GALNT13: variants seen among roughly 807,000 people sequenced by gnomAD.
The protein encoded by GALNT13 is UDP-GalNAc:polypeptide N-acetylgalactosaminyltransferase 13.
A neutral mutation model predicts 64.2 loss-of-function variants in GALNT13; 28 were observed. The ratio of observed to expected loss-of-function variants is 0.44; its 90% confidence interval spans 0.32 to 0.60. GALNT13 has a LOEUF of 0.60. Ranked by LOEUF, GALNT13 falls within the 20% of genes least tolerant of loss-of-function variation. The pLI, the probability that GALNT13 is intolerant of heterozygous loss-of-function variation, is 0.05. For synonymous variants in GALNT13, 214 were observed against 224.6 expected (o/e 0.95, Z 0.42); for missense variants, 577 against 669.8 (o/e 0.86, Z 1.53).
chr2:153,744,133 A>T, the GALNT13 span, among the ~76,000 whole-genome samples: 1 of 152,170 alleles, frequency 6.6e-6, no homozygotes, highest in Non-Finnish European at 1.5e-5. Context: ...TGTTGCAATA[A>T]ACATGGGAGT....
chr2:153,882,120 T>A (rs932250374), intron 1 of GALNT13, among the ~76,000 whole-genome samples: 12 of 149,910 alleles, frequency 8.0e-5, no homozygotes, highest in Admixed American at 4.1e-4. Flanking sequence ...TTAAAAGTTA[T>A]AAAACTATTA....
the GALNT13 span, among the ~76,000 whole-genome samples, chr2:153,637,758 A>G: frequency 1.3e-5 from 2 of 152,196 alleles, no homozygotes; most frequent in African/African-American, 4.8e-5. Context: ...TATAGTAGCT[A>G]TTGATAAAAA....
chr2:153,999,635 A>G (rs1695765241), intron 3 of GALNT13, among the ~76,000 whole-genome samples: 1 of 151,996 alleles, frequency 6.6e-6, no homozygotes, highest in Non-Finnish European at 1.5e-5. Context: ...TTTGTGTATG[A>G]TGAACCATCC....
At chr2:154,292,314 C>A (rs1267579831) in intron 8 of GALNT13, among the ~76,000 whole-genome samples, 2 of 152,042 alleles carry the variant, frequency 1.3e-5, no homozygotes, top group East Asian at 3.9e-4. Flanking sequence ...TTTAATTTCC[C>A]AAATTGTATC....
At chr2:153,376,145 G>T in the GALNT13 span, among the ~76,000 whole-genome samples, 2 of 152,142 alleles carry the variant, frequency 1.3e-5, no homozygotes, top group Non-Finnish European at 2.9e-5. Flanking sequence ...TTCAACAAGA[G>T]CTTTGGAAGC....
intron 9 of GALNT13, among the ~76,000 whole-genome samples, chr2:154,389,682 C>A (rs542887779): frequency 3.9e-5 from 6 of 152,258 alleles, no homozygotes; most frequent in African/African-American, 1.4e-4. Context: ...TCACAGAAGT[C>A]CAATCCCTGA....
chr2:153,123,881 G>A, the GALNT13 span, among the ~76,000 whole-genome samples: 16 of 152,136 alleles, frequency 1.1e-4, no homozygotes, highest in South Asian at 4.1e-4. Flanking sequence ...TTCACATTTT[G>A]TATAACCTCT....
chr2:153,906,653 C>T (rs1440805097), intron 2 of GALNT13, among the ~76,000 whole-genome samples: 175 of 151,934 alleles, frequency 1.2e-3, no homozygotes, highest in African/African-American at 3.9e-3. Context: ...CGTTGTTGGA[C>T]ATTTGGGTTG....
chr2:153,638,163 T>G, the GALNT13 span, among the ~76,000 whole-genome samples: 3 of 152,204 alleles, frequency 2.0e-5, no homozygotes, highest in East Asian at 5.8e-4. Flanking sequence ...TAGAGTGAGT[T>G]GGGATCAGAG....
At chr2:153,257,003 T>A in the GALNT13 span, among the ~76,000 whole-genome samples, 4 of 152,322 alleles carry the variant, frequency 2.6e-5, no homozygotes, top group African/African-American at 9.6e-5. Context: ...CCCGGCTACT[T>A]TGTTTACCTA....
chr2:153,864,974 GGAACA>G, the GALNT13 span, among the ~76,000 whole-genome samples: 5 of 147,730 alleles, frequency 3.4e-5, no homozygotes, highest in Non-Finnish European at 6.0e-5. Flanking sequence ...ATAGATCAAT[GGAACA>G]GAACAGAGCC....
chr2:153,511,280 T>G, the GALNT13 span, among the ~76,000 whole-genome samples: 2 of 148,920 alleles, frequency 1.3e-5, no homozygotes, highest in Non-Finnish European at 3.0e-5. Context: ...TGGGGTCCAC[T>G]GCAAAAAAAA....
the GALNT13 span, among the ~76,000 whole-genome samples, chr2:153,829,898 T>C: frequency 3.9e-5 from 6 of 152,220 alleles, no homozygotes; most frequent in South Asian, 2.1e-4. Context: ...GAAGTCTCAG[T>C]CTTTACATTT....
At chr2:154,385,886 C>G (rs1698491499) in intron 9 of GALNT13, among the ~76,000 whole-genome samples, 1 of 151,974 alleles carries the variant, frequency 6.6e-6, no homozygotes, top group African/African-American at 2.4e-5. Context: ...TATAGGAAGT[C>G]AGTTGCTAAG....
the GALNT13 span, among the ~76,000 whole-genome samples, chr2:153,233,793 T>C: frequency 1.1e-4 from 16 of 152,182 alleles, no homozygotes; most frequent in Admixed American, 3.3e-4. Context: ...ATTAGGTTTG[T>C]AGCAGGTCTT....
chr2:153,459,418 C>A, the GALNT13 span, among the ~76,000 whole-genome samples: 1 of 151,872 alleles, frequency 6.6e-6, no homozygotes, highest in Non-Finnish European at 1.5e-5. Flanking sequence ...GAGTTCAAAC[C>A]CTGGGCAACA....
chr2:153,455,849 T>TA, the GALNT13 span, among the ~76,000 whole-genome samples: 5 of 151,754 alleles, frequency 3.3e-5, no homozygotes, highest in Non-Finnish European at 7.4e-5. Context: ...AAATAAAAAA[T>TA]AAAAAAAATG....
intron 4 of GALNT13, among the ~76,000 whole-genome samples, chr2:154,196,353 A>T (rs550444691): frequency 1.3e-5 from 2 of 152,288 alleles, no homozygotes; most frequent in East Asian, 3.9e-4. Flanking sequence ...GCTACATACA[A>T]CATAAAGAGT....
chr2:153,665,190 G>A, the GALNT13 span, among the ~76,000 whole-genome samples: 2 of 152,216 alleles, frequency 1.3e-5, no homozygotes, highest in East Asian at 3.9e-4. Context: ...CTAGAATGGA[G>A]AATATCTCCT....
Sources: gnomAD v4.1 joint callset for allele counts (sites outside exome capture counted in the v4.1 genomes callset) on GRCh38, gnomAD v4.1.1 for gene constraint, MANE v1.5 for transcripts, NCBI Gene and HGNC (gene_info 2026-07-23, HGNC 2026-07-21) for gene names.